Variants in ARHGAP15 observed in about 807,000 individuals in gnomAD.
The protein encoded by ARHGAP15 is Rho GTPase activating protein 15, also known as rho GTPase-activating protein 15.
A neutral mutation model predicts 63.7 loss-of-function variants in ARHGAP15; 51 were observed. The observed-to-expected ratio is 0.80, with a 90% CI of 0.64 to 1.01. The LOEUF (loss-of-function observed/expected upper bound fraction) is 1.01. Ranked by LOEUF, ARHGAP15 falls within the 50% of genes least tolerant of loss-of-function variation. The pLI is 0.00. For synonymous variants in ARHGAP15, 191 were observed against 193.8 expected (o/e 0.99, Z 0.12); for missense variants, 560 against 564.6 (o/e 0.99, Z 0.08).
intron 12 of ARHGAP15, among the ~76,000 whole-genome samples, chr2:143,654,007 A>G (rs571197231): frequency 6.6e-6 from 1 of 152,328 alleles, no homozygotes; most frequent in South Asian, 2.1e-4. Context: ...TATTACGTGT[A>G]TATTTAGAGA....
chr2:143,643,427 A>AC (rs10540732), intron 12 of ARHGAP15, among the ~76,000 whole-genome samples: 28,045 of 126,038 alleles, frequency 0.22, 3,085 homozygotes, highest in East Asian at 0.33. Flanking sequence ...CCCTCCACCC[A>AC]CCCCCCCCCA....
rs200400728 is a variant in ARHGAP15 at position 143,164,335 on chromosome 2, A to AT, written c.165+8688dup. ...AAACAATAACATGTAAGGCAAATACATTTTTTTTACATTAATGCATGTTAC... is the reference window on the plus strand; with the variant it reads ...AAACAATAACATGTAAGGCAAATACATTTTTTTTTACATTAATGCATGTTAC... On this transcript the variant is annotated intron_variant, in intron 2 of 13. Transcript: ENST00000295095. Among the ~76,000 whole-genome samples the AT allele has an allele frequency of 7.9e-3, 1,198 of 152,020 alleles. 13 individuals carry two copies. The highest frequency in any genetic ancestry group is 0.028 in the African/African-American group (1,150 of 41,494).
At chr2:143,762,438 A>G (rs548967412) in intron 13 of ARHGAP15, among the ~76,000 whole-genome samples, 2 of 152,304 alleles carry the variant, frequency 1.3e-5, no homozygotes, top group East Asian at 3.9e-4. Context: ...TAAGGGCCTA[A>G]TGAAACCTAA....
At chr2:143,734,271 C>T (rs1685661047) in intron 13 of ARHGAP15, among the ~76,000 whole-genome samples, 1 of 152,192 alleles carries the variant, frequency 6.6e-6, no homozygotes, top group Non-Finnish European at 1.5e-5. Context: ...CTTGCAGCCA[C>T]ACTCCTGACC....
chr2:143,690,937 CAG>C (rs1683570533), intron 12 of ARHGAP15, among the ~76,000 whole-genome samples: 2 of 152,120 alleles, frequency 1.3e-5, no homozygotes, highest in African/African-American at 4.8e-5. Context: ...CCCCCGTGAT[CAG>C]AGTTTAACTG....
At chr2:143,283,733 A>G (rs945554422) in intron 6 of ARHGAP15, among the ~76,000 whole-genome samples, 1 of 152,142 alleles carries the variant, frequency 6.6e-6, no homozygotes, top group Non-Finnish European at 1.5e-5. Flanking sequence ...GTGTGAGCCA[A>G]TGTTTCAGTA....
chr2:143,253,744 AC>A (rs1680280422), intron 6 of ARHGAP15, among the ~76,000 whole-genome samples: 1 of 149,564 alleles, frequency 6.7e-6, no homozygotes, highest in Non-Finnish European at 1.5e-5. Flanking sequence ...AAATATATAT[AC>A]TTATATACAT....
At chr2:143,567,270 C>A (rs1696268064) in intron 11 of ARHGAP15, among the ~76,000 whole-genome samples, 1 of 152,150 alleles carries the variant, frequency 6.6e-6, no homozygotes, top group Admixed American at 6.5e-5. Context: ...ATCCCTAGCT[C>A]TTACTGTGCC....
intron 9 of ARHGAP15, among the ~76,000 whole-genome samples, chr2:143,506,957 C>T (rs1404395030): frequency 6.6e-6 from 1 of 152,086 alleles, no homozygotes; most frequent in African/African-American, 2.4e-5. Context: ...GTAAATTTTT[C>T]TCATATTTAT....
chr2:143,333,376 G>A (rs879384510), intron 6 of ARHGAP15, among the ~76,000 whole-genome samples: 89 of 152,314 alleles, frequency 5.8e-4, no homozygotes, highest in Admixed American at 3.9e-3. Context: ...GGCATGCCAT[G>A]TCTATGTAAC....
At chr2:143,559,276 G>T (rs72990842) in intron 11 of ARHGAP15, among the ~76,000 whole-genome samples, 1 of 152,140 alleles carries the variant, frequency 6.6e-6, no homozygotes, top group Non-Finnish European at 1.5e-5. Flanking sequence ...AAAAAAATCT[G>T]CAATGAAAAT....
At chr2:143,320,411 C>CGCCCCCCCCG (rs1304524508) in intron 6 of ARHGAP15, among the ~76,000 whole-genome samples, 1 of 40,692 alleles carries the variant, frequency 2.5e-5, no homozygotes, top group Non-Finnish European at 6.0e-5. Flanking sequence ...CTTCCCCACC[C>CGCCCCCCCCG]CCCCCCCCCC....
chr2:143,351,620 T>A (rs916881045), intron 6 of ARHGAP15, among the ~76,000 whole-genome samples: 2 of 152,180 alleles, frequency 1.3e-5, no homozygotes, highest in African/African-American at 4.8e-5. Context: ...GGATAGGCGA[T>A]GTCTATGGTA....
intron 6 of ARHGAP15, among the ~76,000 whole-genome samples, chr2:143,369,205 ATTG>A (rs1200309678): frequency 6.6e-6 from 1 of 152,150 alleles, no homozygotes; most frequent in Non-Finnish European, 1.5e-5. Context: ...TTCATAGTAT[ATTG>A]TTCATCTCAT....
chr2:143,419,461 T>TATCAGGACAAAATGTGGAAAC (rs139059272), intron 6 of ARHGAP15, among the ~76,000 whole-genome samples: 11 of 151,876 alleles, frequency 7.2e-5, no homozygotes, highest in Non-Finnish European at 1.3e-4. Flanking sequence ...TGGGTTTATT[T>TATCAGGACAAAATGTGGAAAC]AACTAAATTG....
chr2:143,715,525 C>G (rs1477179022), intron 13 of ARHGAP15, among the ~76,000 whole-genome samples: 1 of 152,184 alleles, frequency 6.6e-6, no homozygotes, highest in Non-Finnish European at 1.5e-5. Context: ...GACAAACAAG[C>G]AGAGCTCTTC....
chr2:143,311,671 C>A (rs745851493), intron 6 of ARHGAP15, among the ~76,000 whole-genome samples: 1 of 152,078 alleles, frequency 6.6e-6, no homozygotes, highest in Non-Finnish European at 1.5e-5. Flanking sequence ...AAAACTGCCT[C>A]ATTCAGGACC....
intron 8 of ARHGAP15, among the ~76,000 whole-genome samples, chr2:143,471,396 A>G (rs1691569184): frequency 6.6e-6 from 1 of 152,058 alleles, no homozygotes. Context: ...AAACTAAGTA[A>G]TTAAAAAATT....
intron 13 of ARHGAP15, among the ~76,000 whole-genome samples, chr2:143,764,846 T>G (rs1686892997): frequency 6.6e-6 from 1 of 152,214 alleles, no homozygotes; most frequent in Non-Finnish European, 1.5e-5. Flanking sequence ...CCTTTTGCCC[T>G]TTCAGATTTC....
Sources: allele counts gnomAD v4.1 joint callset (sites outside exome capture counted in the v4.1 genomes callset), GRCh38; gene constraint gnomAD v4.1.1; transcripts MANE v1.5; gene names NCBI Gene and HGNC (gene_info 2026-07-23, HGNC 2026-07-21).